MUC7: variants seen among roughly 807,000 people sequenced by gnomAD.
MUC7 encodes mucin-7.
MUC7 carries 2 observed loss-of-function variants against 2.5 expected under a neutral mutation model. The ratio of observed to expected loss-of-function variants is 0.81; its 90% CI spans 0.33 to 2.55. MUC7 has a LOEUF of 2.55. Ranked by LOEUF, MUC7 falls within the 30% of genes most tolerant of loss-of-function variation. The pLI is 0.11. For missense variants in MUC7, 408 were observed against 455.6 expected, an observed-to-expected ratio of 0.90 and a Z score of 0.95; for synonymous variants, 133 against 173.4, an observed-to-expected ratio of 0.77 and a Z score of 1.83.
intron 2 of MUC7, among the ~76,000 whole-genome samples, chr4:70,479,373 A>C (rs6843974): frequency 0.013 from 1,971 of 152,296 alleles, 43 homozygotes; most frequent in African/African-American, 0.044. Context: ...TCTCTGAGGA[A>C]GTTATCTTAG....
At chr4:70,462,014 C>T (rs1177592187) in intron 1 of MUC7, among the ~76,000 whole-genome samples, 1 of 152,102 alleles carries the variant, frequency 6.6e-6, no homozygotes, top group Non-Finnish European at 1.5e-5. Flanking sequence ...GAGCTCAACA[C>T]CAGCCTGGGC....
At chr4:70,450,352 T>A (rs1734250787) in intron 1 of MUC7, among the ~76,000 whole-genome samples, 1 of 152,162 alleles carries the variant, frequency 6.6e-6, no homozygotes, top group African/African-American at 2.4e-5. Flanking sequence ...GGCTCCCCTT[T>A]GTCCCAGGGC....
chr4:70,472,219 C>T lies in MUC7; in HGVS notation c.-88C>T, dbSNP rs1437375388. 3 of 152,122 alleles carry T rather than the reference C, an allele frequency of 2.0e-5. No individual in the cohort carries two copies. The highest frequency in any genetic ancestry group is 7.2e-5 in the African/African-American group (3 of 41,424). The allele number at this position is 152,122 out of a possible 1,614,324, so 9.4% of individuals were successfully genotyped here. A position where few individuals can be genotyped will look rare whatever the true frequency, so the allele number is the denominator to read the frequency against. On this transcript the variant is annotated 5_prime_UTR_variant, in exon 1 of 3. Coordinates refer to ENST00000304887, the MANE Select transcript of MUC7 (RefSeq NM_152291.3). ...TTTCTCTTCTTTTGCTTCTAGTTAC[C>T]ATCCTCAAAGGATTGGCTAAAAGCA...
intron 1 of MUC7, among the ~76,000 whole-genome samples, chr4:70,446,097 G>A (rs1734126887): frequency 6.6e-6 from 1 of 152,112 alleles, no homozygotes; most frequent in Non-Finnish European, 1.5e-5. Flanking sequence ...AGGTCCTTAG[G>A]ATCCACATAC....
intron 1 of MUC7, among the ~76,000 whole-genome samples, chr4:70,440,558 TATAATA>T (rs1324562320): frequency 1.3e-5 from 2 of 152,172 alleles, no homozygotes; most frequent in African/African-American, 2.4e-5. Flanking sequence ...GACTATAGTT[TATAATA>T]ATAATATGTT....
Position 70,431,047 on chromosome 4 carries a change from A to C in MUC7, c.-93+360A>C, listed in dbSNP as rs1733648764. On this transcript the variant is annotated intron_variant, in intron 1 of 3. Transcript: ENST00000413702. ...AATAATTCACTGTATGGGGAGCTGT[A>C]TGCTACTTTTCAGTATGTAATGGTT... is the stretch of plus-strand genomic sequence containing the variant. 2.6e-5 allele frequency among the ~76,000 whole-genome samples: 4 copies of C among 152,240 alleles called. No homozygotes were observed. The South Asian group carries it at 8.3e-4, about 32-fold the overall frequency.
upstream of MUC7, among the ~76,000 whole-genome samples, chr4:70,470,897 T>C (rs570695167): frequency 6.6e-6 from 1 of 152,344 alleles, no homozygotes; most frequent in South Asian, 2.1e-4. Context: ...AAGAACCATG[T>C]CAGAACTTTT....
At chr4:70,468,176 T>A (rs1208517712), upstream of MUC7, among the ~76,000 whole-genome samples, 1 of 152,270 alleles carries the variant, frequency 6.6e-6, no homozygotes, top group Non-Finnish European at 1.5e-5. Context: ...TCTCAACAGA[T>A]GTAGAAAAGG....
At chr4:70,459,463 G>GAGATATACCTAATGCTAAATGACT (rs1734498123) in intron 1 of MUC7, among the ~76,000 whole-genome samples, 1 of 152,104 alleles carries the variant, frequency 6.6e-6, no homozygotes, top group Non-Finnish European at 1.5e-5. Context: ...ATAGCATTAG[G>GAGATATACCTAATGCTAAATGACT]AGATATACCT....
intron 1 of MUC7, among the ~76,000 whole-genome samples, chr4:70,439,163 A>G (rs571037540): frequency 3.7e-4 from 57 of 152,324 alleles, no homozygotes; most frequent in South Asian, 2.7e-3. Context: ...CTTTTTAAAG[A>G]GATGTCATTT....
chr4:70,482,788 A>C lies in MUC7; in HGVS notation c.*910A>C, dbSNP rs1428275097. 1.3e-5 allele frequency: 2 copies of C among 152,224 alleles called. No homozygotes were observed. The highest frequency in any genetic ancestry group is 2.9e-5 in the Non-Finnish European group (2 of 68,032). The allele number at this position is 152,224 out of a possible 1,614,324, so 9.4% of individuals were successfully genotyped here. On this transcript the variant is annotated 3_prime_UTR_variant, in exon 3 of 3. Coordinates refer to ENST00000304887, the MANE Select transcript of MUC7 (RefSeq NM_152291.3). Reference sequence around the variant, plus strand: ...TTTGAATGTATTTTAAACCATGCCAAACTACTGCTTTAATGTCAAGTTTGC... The same window carrying C: ...TTTGAATGTATTTTAAACCATGCCACACTACTGCTTTAATGTCAAGTTTGC...
chr4:70,457,496 A>G (rs988379161), intron 1 of MUC7, among the ~76,000 whole-genome samples: 2 of 152,118 alleles, frequency 1.3e-5, no homozygotes, highest in Admixed American at 1.3e-4. Context: ...CTAAGAAAAG[A>G]GAGAGAGGAG....
intron 2 of MUC7, among the ~76,000 whole-genome samples, chr4:70,478,198 TA>T (rs1417525302): frequency 1.3e-5 from 2 of 152,232 alleles, no homozygotes; most frequent in Non-Finnish European, 2.9e-5. Context: ...TTTGGTCACC[TA>T]AAGTAAAATA....
At position 70,465,201 on chromosome 4, in the gene MUC7, T is replaced by C. The variant is rs371037378; in HGVS notation, c.-92-7014T>C. ...AACTAATAAACAGAAAGGAATAGCA[T>C]CAACATCAACAAAAAGGACATCCAC... is the stretch of plus-strand genomic sequence containing the variant. On this transcript the variant is annotated intron_variant, in intron 1 of 3. Coordinates refer to the MUC7 transcript ENST00000413702. Among the ~76,000 whole-genome samples, 77 of 152,120 alleles carry C rather than the reference T, an allele frequency of 5.1e-4. 2 individuals carry two copies. The South Asian group carries it at 0.016, about 31-fold the overall frequency.
At chr4:70,448,967 G>T (rs968198305) in intron 1 of MUC7, among the ~76,000 whole-genome samples, 11 of 152,116 alleles carry the variant, frequency 7.2e-5, no homozygotes, top group African/African-American at 2.7e-4. Flanking sequence ...AGGAATAGGG[G>T]TCTAATTTCA....
At chr4:70,435,222 T>A (rs952286432) in intron 1 of MUC7, among the ~76,000 whole-genome samples, 1 of 152,254 alleles carries the variant, frequency 6.6e-6, no homozygotes, top group Non-Finnish European at 1.5e-5. Context: ...GTCTATTAGA[T>A]CCACTTGGTC....
intron 2 of MUC7, among the ~76,000 whole-genome samples, chr4:70,475,166 C>T (rs1734960471): frequency 1.3e-5 from 2 of 152,016 alleles, no homozygotes; most frequent in African/African-American, 4.8e-5. Flanking sequence ...GTAATCCCAG[C>T]TACTCAGGAG....
At chr4:70,435,423 T>A (rs1274583993) in intron 1 of MUC7, among the ~76,000 whole-genome samples, 1 of 152,248 alleles carries the variant, frequency 6.6e-6, no homozygotes, top group Non-Finnish European at 1.5e-5. Flanking sequence ...CAGTTAGCTC[T>A]TCTTGTTGAA....
chr4:70,436,356 T>C (rs1403519133), intron 1 of MUC7, among the ~76,000 whole-genome samples: 4 of 152,204 alleles, frequency 2.6e-5, no homozygotes, highest in African/African-American at 9.6e-5. Context: ...GTAGATTTGG[T>C]CTTTTCACAT....
Sources: gnomAD v4.1 joint callset for allele counts (sites outside exome capture counted in the v4.1 genomes callset) on GRCh38, gnomAD v4.1.1 for gene constraint, MANE v1.5 for transcripts, NCBI Gene and HGNC (gene_info 2026-07-23, HGNC 2026-07-21) for gene names.